Variants in NRG3 observed in about 807,000 individuals in gnomAD.
NRG3 encodes pro-neuregulin-3, membrane-bound isoform.
A neutral mutation model predicts 66.9 loss-of-function variants in NRG3; 31 were observed. That is an observed-to-expected ratio of 0.46 (90% CI 0.35 to 0.63). The LOEUF (loss-of-function observed/expected upper bound fraction) is 0.63, where lower values mean the gene tolerates loss of function less well. Among genes scored for constraint, NRG3 ranks in the 20% least tolerant of loss-of-function variants. The pLI, the probability that NRG3 is intolerant of heterozygous loss-of-function variation, is 0.00. For missense variants in NRG3, 910 were observed against 878.9 expected (o/e 1.04, Z -0.45); for synonymous variants, 393 against 359.4 (o/e 1.09, Z -1.06).
At chr10:82,223,382 A>G (rs2076026455) in intron 1 of NRG3, among the ~76,000 whole-genome samples, 1 of 152,094 alleles carries the variant, frequency 6.6e-6, no homozygotes, top group Non-Finnish European at 1.5e-5. Context: ...TATAGGTAAT[A>G]GTCTGCACCC....
At chr10:82,630,083 G>A (rs10885058) in intron 2 of NRG3, among the ~76,000 whole-genome samples, 63,592 of 151,922 alleles carry the variant, frequency 0.42, 14,231 homozygotes, top group Non-Finnish European at 0.51. Flanking sequence ...CAACTAAATC[G>A]CAGTTTCCAG....
At chr10:82,551,989 C>A (rs2132897489) in intron 2 of NRG3, among the ~76,000 whole-genome samples, 1 of 151,882 alleles carries the variant, frequency 6.6e-6, no homozygotes, top group Admixed American at 6.6e-5. Flanking sequence ...GGGACTGGGC[C>A]CATTCGAACT....
At chr10:82,206,525 T>C (rs1409226783) in intron 1 of NRG3, among the ~76,000 whole-genome samples, 1 of 152,174 alleles carries the variant, frequency 6.6e-6, no homozygotes, top group East Asian at 1.9e-4. Flanking sequence ...GTGTTATCTC[T>C]TGAGATAGAT....
intron 1 of NRG3, among the ~76,000 whole-genome samples, chr10:82,188,725 A>G (rs2073960296): frequency 6.6e-6 from 1 of 152,238 alleles, no homozygotes. Context: ...TTGATCATCA[A>G]AGAAGTGCAC....
At chr10:82,736,442 T>C (rs886081572) in intron 2 of NRG3, among the ~76,000 whole-genome samples, 1 of 152,248 alleles carries the variant, frequency 6.6e-6, no homozygotes, top group Non-Finnish European at 1.5e-5. Context: ...CAATTAGCAG[T>C]GACTCGCCTC....
At position 82,605,293 on chromosome 10, in the gene NRG3, T is replaced by C. The variant is rs533074252; in HGVS notation, c.954-133284T>C. On this transcript the variant is annotated intron_variant, in intron 2 of 8. Coordinates refer to ENST00000372141, the MANE Select transcript of NRG3 (RefSeq NM_001010848.4). ...TATCATATCCATTCATGATGTTGAATAGTGTTAAATGCTTTTTACTGCTTT... is the reference window on the plus strand; with the variant it reads ...TATCATATCCATTCATGATGTTGAACAGTGTTAAATGCTTTTTACTGCTTT... Among the ~76,000 whole-genome samples, 482 of 152,190 alleles carry C rather than the reference T, an allele frequency of 3.2e-3. 4 individuals are homozygous for C. The highest frequency in any genetic ancestry group is 0.011 in the African/African-American group (472 of 41,566).
chr10:82,613,660 T>G (rs1377881534), intron 2 of NRG3, among the ~76,000 whole-genome samples: 2 of 151,974 alleles, frequency 1.3e-5, no homozygotes, highest in African/African-American at 2.4e-5. Flanking sequence ...AAACATATTT[T>G]AAAGTGCCAT....
chr10:82,865,549 C>A, intron 4 of NRG3, 112 bp downstream of exon 4: 3 of 1,057,818 alleles, frequency 2.8e-6, no homozygotes, highest in Middle Eastern at 2.1e-4. Flanking sequence ...TTATCAGATG[C>A]TATTAGTAGG....
intron 1 of NRG3, among the ~76,000 whole-genome samples, chr10:82,012,724 A>C (rs1324477671): frequency 6.6e-6 from 1 of 152,114 alleles, no homozygotes; most frequent in African/African-American, 2.4e-5. Flanking sequence ...TTCAAGTTCA[A>C]AGTTCCAGAG....
chr10:82,274,148 AT>A (rs958415510), intron 1 of NRG3, among the ~76,000 whole-genome samples: 27 of 152,208 alleles, frequency 1.8e-4, no homozygotes, highest in African/African-American at 6.3e-4. Flanking sequence ...AATTAAAAAA[AT>A]CATTTCTAGA....
At chr10:82,748,503 G>A (rs1365112907) in intron 3 of NRG3, among the ~76,000 whole-genome samples, 1 of 150,898 alleles carries the variant, frequency 6.6e-6, no homozygotes, top group Non-Finnish European at 1.5e-5. Flanking sequence ...AAACTTGAAG[G>A]CACTGTATTG....
chr10:82,791,000 A>G (rs1252362156), intron 3 of NRG3, among the ~76,000 whole-genome samples: 1 of 151,850 alleles, frequency 6.6e-6, no homozygotes, highest in Non-Finnish European at 1.5e-5. Context: ...AATTATTTAG[A>G]TATGAAGTCC....
chr10:82,148,963 A>G (rs2070471727), intron 1 of NRG3, among the ~76,000 whole-genome samples: 1 of 152,100 alleles, frequency 6.6e-6, no homozygotes, highest in African/African-American at 2.4e-5. Flanking sequence ...TGGGGGTGAG[A>G]TGAGTCAGAT....
At chr10:81,904,944 GA>G (rs1232109718) in intron 1 of NRG3, among the ~76,000 whole-genome samples, 2 of 151,966 alleles carry the variant, frequency 1.3e-5, no homozygotes, top group Non-Finnish European at 2.9e-5. Context: ...AGTAAGTGCT[GA>G]AAAAAATAAG....
intron 2 of NRG3, among the ~76,000 whole-genome samples, chr10:82,722,614 G>T (rs1184480817): frequency 1.3e-5 from 2 of 151,962 alleles, no homozygotes; most frequent in Admixed American, 1.3e-4. Flanking sequence ...TTCACACCCT[G>T]AGCTCAACAC....
intron 3 of NRG3, chr10:82,827,093 T>C: frequency 3.0e-6 from 1 of 328,240 alleles, no homozygotes; most frequent in South Asian, 2.4e-5. Flanking sequence ...AGAAAAAAGC[T>C]TGAAAAATAA....
chr10:82,956,259 A>G (rs552669633), intron 5 of NRG3, among the ~76,000 whole-genome samples: 1 of 151,998 alleles, frequency 6.6e-6, no homozygotes. Flanking sequence ...AAGTTTCCAC[A>G]CTGACACTGT....
intron 3 of NRG3, among the ~76,000 whole-genome samples, chr10:82,759,239 C>T (rs542896780): frequency 6.6e-6 from 1 of 152,024 alleles, no homozygotes; most frequent in African/African-American, 2.4e-5. Context: ...ATGCCTACTC[C>T]CATTCTACTT....
chr10:81,945,975 C>G (rs1310021674), intron 1 of NRG3, among the ~76,000 whole-genome samples: 1 of 152,166 alleles, frequency 6.6e-6, no homozygotes, highest in African/African-American at 2.4e-5. Context: ...CCTTCAGAAT[C>G]TCTCAGAACG....
Sources: allele counts gnomAD v4.1 joint callset (sites outside exome capture counted in the v4.1 genomes callset), GRCh38; gene constraint gnomAD v4.1.1; transcripts MANE v1.5; gene names NCBI Gene and HGNC (gene_info 2026-07-23, HGNC 2026-07-21).